The following SKI variants were observed in gnomAD, a reference collection of about 807,000 sequenced individuals.
SKI encodes the protein ski oncogene.
SKI carries 23 observed loss-of-function variants against 59.3 expected under a neutral mutation model. The observed-to-expected ratio is 0.39, with a 90% CI of 0.28 to 0.55. The LOEUF (loss-of-function observed/expected upper bound fraction) is 0.55. Among genes scored for constraint, SKI ranks in the 20% least tolerant of loss-of-function variants. SKI has a pLI of 0.67. For missense variants in SKI, 1,017 were observed against 1,038.9 expected (o/e 0.98, Z 0.29); for synonymous variants, 673 against 488.6 (o/e 1.38, Z -4.98).
At chr1:2,252,204 GT>G (rs1282731494) in intron 1 of SKI, among the ~76,000 whole-genome samples, 1 of 152,192 alleles carries the variant, frequency 6.6e-6, no homozygotes, top group Non-Finnish European at 1.5e-5. Context: ...CCTACCTTAA[GT>G]TTTCAAAAGT....
chr1:2,290,908 G>A (rs1240078308), intron 1 of SKI, among the ~76,000 whole-genome samples: 2 of 152,214 alleles, frequency 1.3e-5, no homozygotes, highest in African/African-American at 2.4e-5. Flanking sequence ...TCTGTGTTCC[G>A]CATTTTTCTC....
chr1:2,305,074 T>C (rs1213758879), intron 5 of SKI, among the ~76,000 whole-genome samples: 1 of 152,208 alleles, frequency 6.6e-6, no homozygotes, highest in East Asian at 1.9e-4. Context: ...ATGCCTGGTG[T>C]TCCAGAAGGC....
rs1639523397 is a variant in SKI at position 2,267,436 on chromosome 1, C to T, written c.970-35542C>T. Among the ~76,000 whole-genome samples, 1 of 152,210 alleles carries T rather than the reference C, an allele frequency of 6.6e-6. No homozygotes were observed. On this transcript the variant is annotated intron_variant, in intron 1 of 6. Coordinates refer to ENST00000378536, the MANE Select transcript of SKI (RefSeq NM_003036.4). The surrounding 1 kb of genome is among the most constrained non-coding windows in gnomAD (Gnocchi z 4.1). ...GCCGGAGCAGGTGCGACAGGAATGT[C>T]CCACGTCCTCTCGTGTGCTGTCGGG...
In SKI at chr1:2,307,082, A is replaced by G. The variant is rs1002473065; in HGVS notation, c.*317A>G. On this transcript the variant is annotated 3_prime_UTR_variant, in exon 7 of 7. Transcript: ENST00000378536. ...TATAAGCTATTTAAAACCAGTAAGG[A>G]GACTTGAAATTCAGAAAATCAACAC... The G allele has an allele frequency of 6.3e-5, 12 of 190,578 alleles. No individual in the cohort carries two copies. Among genetic ancestry groups the G allele is most frequent in the Admixed American group, 4.9e-4 (8 of 16,162 alleles). The allele number at this position is 190,578 out of a possible 1,614,324, so 11.8% of individuals were successfully genotyped here. A position where few individuals can be genotyped will look rare whatever the true frequency, so the allele number is the denominator to read the frequency against.
chr1:2,283,640 C>T lies in SKI; in HGVS notation c.970-19338C>T, dbSNP rs540794626. On this transcript the variant is annotated intron_variant, in intron 1 of 6. Coordinates refer to ENST00000378536, the MANE Select transcript of SKI (RefSeq NM_003036.4). ...GACAGGCTTGTGGCTTTGGGTACCA[C>T]GAGGGGCCATCCAGCCCAGGGGGCT... Among the ~76,000 whole-genome samples, 34 of 151,860 alleles carry T rather than the reference C, an allele frequency of 2.2e-4. 1 individual carries two copies. The East Asian group carries it at 3.3e-3, about 15-fold the overall frequency.
At chr1:2,275,343 G>A in intron 1 of SKI, among the ~76,000 whole-genome samples, 1 of 152,192 alleles carries the variant, frequency 6.6e-6, no homozygotes, top group East Asian at 1.9e-4. Flanking sequence ...GGCTTCCTGT[G>A]GCTCCGCCGT....
intron 1 of SKI, among the ~76,000 whole-genome samples, chr1:2,285,929 A>C (rs1310178115): frequency 1.4e-5 from 2 of 138,022 alleles, no homozygotes; most frequent in Non-Finnish European, 1.5e-5. Flanking sequence ...GCTGGAGCAC[A>C]GTGGCACGAT....
chr1:2,296,409 C>T (rs1640285315), intron 1 of SKI, among the ~76,000 whole-genome samples: 1 of 151,986 alleles, frequency 6.6e-6, no homozygotes, highest in African/African-American at 2.4e-5. Flanking sequence ...AACAAACAAA[C>T]CCAGTTCTAG....
intron 6 of SKI, 25 bp from the exon 7 acceptor site, chr1:2,306,552 C>T (rs919891745): frequency 2.6e-6 from 4 of 1,537,462 alleles, no homozygotes; most frequent in South Asian, 2.4e-5. Context: ...GAGCAGGCGC[C>T]GCTGACCACT....
At chr1:2,298,094 C>T (rs1640330620) in intron 1 of SKI, among the ~76,000 whole-genome samples, 1 of 152,164 alleles carries the variant, frequency 6.6e-6, no homozygotes, top group East Asian at 1.9e-4. Context: ...TTGGTGGTGG[C>T]CCCTGGACTG....
chr1:2,236,903 A>G (rs561793385), intron 1 of SKI, among the ~76,000 whole-genome samples: 15 of 152,292 alleles, frequency 9.8e-5, no homozygotes, highest in African/African-American at 3.6e-4. Flanking sequence ...CGGCTGACTT[A>G]GAAAGAAACA....
Position 2,303,354 on chromosome 1 carries a change from A to T in SKI, c.1165A>T (p.Ser389Cys), listed in dbSNP as rs1162080893. 1 of 1,613,724 alleles carries T rather than the reference A, an allele frequency of 6.2e-7. No homozygotes were observed. The highest frequency in any genetic ancestry group is 8.5e-7 in the Non-Finnish European group (1 of 1,180,034). The part of the protein sequence containing the change: ...FRPWSPAVSA[S>C]EKELSPHLPA... ...ACCCTGGTCCCCCGCAGTGTCAGCGAGTGAGAAAGAGCTCTCCCCACACCT... is the reference window on the plus strand; with the variant it reads ...ACCCTGGTCCCCCGCAGTGTCAGCGTGTGAGAAAGAGCTCTCCCCACACCT... The change falls in exon 3 of 7, where the codon AGT becomes TGT. Residue 389 changes from serine (S) to cysteine (C), a missense_variant. Coordinates refer to ENST00000378536, the MANE Select transcript of SKI (RefSeq NM_003036.4). The surrounding 1 kb of genome is among the most constrained non-coding windows in gnomAD (Gnocchi z 5.6).
In SKI at chr1:2,228,384, C is replaced by T. The variant is rs1178258472; in HGVS notation, c.-383C>T. Reference sequence around the variant, plus strand: ...CGCGCCTCGCGGCGCCGGCACCTGCCCGCGCGCCCCCCGCGAGCCCCGGGC... The same window carrying T: ...CGCGCCTCGCGGCGCCGGCACCTGCTCGCGCGCCCCCCGCGAGCCCCGGGC... On this transcript the variant is annotated 5_prime_UTR_variant, in exon 1 of 7. Coordinates refer to ENST00000378536, the MANE Select transcript of SKI (RefSeq NM_003036.4). 7.0e-6 allele frequency among the ~76,000 whole-genome samples: 1 copy of T among 142,516 alleles called. No individual in the cohort carries two copies. The highest frequency in any genetic ancestry group is 6.9e-5 in the Admixed American group (1 of 14,534). The allele number at this position is 142,516 out of a possible 152,430, so 93.5% of individuals were successfully genotyped here.
intron 1 of SKI, among the ~76,000 whole-genome samples, chr1:2,288,971 C>G (rs1180666045): frequency 1.3e-5 from 2 of 152,240 alleles, no homozygotes; most frequent in African/African-American, 4.8e-5. Flanking sequence ...CCTCGCTCTT[C>G]CTGCAGGTCC....
intron 1 of SKI, among the ~76,000 whole-genome samples, chr1:2,256,706 C>T (rs1639282270): frequency 6.6e-6 from 1 of 152,246 alleles, no homozygotes; most frequent in Non-Finnish European, 1.5e-5. Context: ...CAGCGTCTTG[C>T]CTCTGGTGTC....
rs2100789509 is a variant in SKI at position 2,228,846 on chromosome 1, G to C, written c.80G>C (p.Ser27Thr). The change falls in exon 1 of 7, where the codon AGC becomes ACC. Residue 27 changes from serine to threonine, a missense_variant. Coordinates refer to ENST00000378536, the MANE Select transcript of SKI (RefSeq NM_003036.4). ...LQKTLEQFHL[S>T]SMSSLGGPAA... ...AAGACGCTGGAGCAGTTCCACCTGAGCTCCATGAGCTCGCTGGGCGGCCCG... is the reference window on the plus strand; with the variant it reads ...AAGACGCTGGAGCAGTTCCACCTGACCTCCATGAGCTCGCTGGGCGGCCCG... The C allele has an allele frequency of 7.0e-7, 1 of 1,422,874 alleles. No homozygotes were observed. Among genetic ancestry groups the C allele is most frequent in the South Asian group, 1.3e-5 (1 of 76,652 alleles). 88.1% of individuals were successfully genotyped at this position (1,422,874 alleles called of 1,614,324 possible).
rs374870331 is a variant in SKI, at chr1:2,285,367, T to C, written c.970-17611T>C. Among the ~76,000 whole-genome samples, 64 of 151,844 alleles carry C rather than the reference T, an allele frequency of 4.2e-4. No homozygotes were observed. The East Asian group carries it at 0.011, about 25-fold the overall frequency. On this transcript the variant is annotated intron_variant, in intron 1 of 6. Coordinates refer to ENST00000378536, the MANE Select transcript of SKI (RefSeq NM_003036.4). ...ATCTCTACTGAAAATACAAAAAAAT[T>C]AGCTGAGCGTGGTGGCGGGTGCCTG...
In SKI at chr1:2,268,610, A is replaced by T. The variant is rs185555998; in HGVS notation, c.970-34368A>T. 3.0e-4 allele frequency among the ~76,000 whole-genome samples: 46 copies of T among 152,308 alleles called. No homozygotes were observed. Among genetic ancestry groups the T allele is most frequent in the Admixed American group, 3.0e-3 (46 of 15,310 alleles). On this transcript the variant is annotated intron_variant, in intron 1 of 6. Coordinates refer to ENST00000378536, the MANE Select transcript of SKI (RefSeq NM_003036.4). The surrounding 1 kb of genome is among the most constrained non-coding windows in gnomAD (Gnocchi z 5.0). ...GGTGAATTTTCTTGGCTGGCTTGAC[A>T]GGTCCCCCTTTCCCTCACCATGGAG...
intron 5 of SKI, among the ~76,000 whole-genome samples, chr1:2,305,732 G>A (rs1376790752): frequency 6.6e-6 from 1 of 152,216 alleles, no homozygotes; most frequent in South Asian, 2.1e-4. Context: ...CAAGGGGAAC[G>A]TGGCCCTAGA....
Sources: allele counts gnomAD v4.1 joint callset (sites outside exome capture counted in the v4.1 genomes callset), GRCh38; gene constraint gnomAD v4.1.1; non-coding constraint Gnocchi (gnomAD v3.1); transcripts MANE v1.5; gene names NCBI Gene and HGNC (gene_info 2026-07-23, HGNC 2026-07-21).